The following BRSK2 variants were observed in gnomAD, a reference collection of about 807,000 sequenced individuals.
The protein encoded by BRSK2 is serine/threonine-protein kinase BRSK2.
A neutral mutation model predicts 83.3 loss-of-function variants in BRSK2; 19 were observed. The ratio of observed to expected loss-of-function variants is 0.23; its 90% CI spans 0.16 to 0.33. The LOEUF (loss-of-function observed/expected upper bound fraction) is 0.33. Among genes scored for constraint, BRSK2 ranks in the 10% least tolerant of loss-of-function variants. The pLI, the probability that BRSK2 is intolerant of heterozygous loss-of-function variation, is 1.00. For synonymous variants in BRSK2, 519 were observed against 435.4 expected (o/e 1.19, Z -2.39); for missense variants, 798 against 1,042.3 (o/e 0.77, Z 3.23).
In BRSK2 at chr11:1,438,381, A is replaced by G. The variant is rs1850623038; in HGVS notation, c.262A>G (p.Lys88Glu). The part of the protein sequence containing the change: ...VLKLHDVYEN[K>E]KYLYLVLEHV... ...AAAGCTGCACGACGTTTATGAAAAC[A>G]AAAAATATTTGTAGGTATTGCTGGG... The change falls in exon 3 of 20, where the codon AAA becomes GAA. Residue 88 changes from lysine to glutamate, a missense_variant. Lys to Glu is a moderately conservative substitution (Grantham distance 56). This residue lies in a region of BRSK2 where 109 missense variants were observed against 259.2 expected (regional missense o/e 0.42). Coordinates refer to ENST00000528841, the MANE Select transcript of BRSK2 (RefSeq NM_001256627.2). This position sits in a 1 kb window ranked among gnomAD's most constrained non-coding sequence, Gnocchi z 6.4. 1 of 1,613,762 alleles carries G rather than the reference A, an allele frequency of 6.2e-7. No homozygotes were observed. The highest frequency in any genetic ancestry group is 8.5e-7 in the Non-Finnish European group (1 of 1,179,826).
Position 1,445,745 on chromosome 11 carries a change from G to C in BRSK2, c.1076-12G>C. On this transcript the variant is annotated splice_polypyrimidine_tract_variant and intron_variant, in intron 11 of 19. Transcript: ENST00000528841. ...CCGGGGGCTGTCTGGCCTGACCTTC[G>C]TCTGTACTCAGACCCTCCCCGGAAG... 2 of 1,611,220 alleles carry C rather than the reference G, an allele frequency of 1.2e-6. No homozygotes were observed. Among genetic ancestry groups the C allele is most frequent in the East Asian group, 2.2e-5 (1 of 44,794 alleles).
rs189729021 is a variant in BRSK2 at position 1,440,150 on chromosome 11, T to C, written c.273-638T>C. On this transcript the variant is annotated intron_variant, in intron 3 of 19. Coordinates refer to ENST00000528841, the MANE Select transcript of BRSK2 (RefSeq NM_001256627.2). ...GTGGAGCGGCCCCCAAGCAGCTGCA[T>C]GCAGCGTCCCACGGGCCTCTCACCA... Among the ~76,000 whole-genome samples, 16 of 152,272 alleles carry C rather than the reference T, an allele frequency of 1.1e-4. No individual in the cohort carries two copies. The East Asian group carries it at 2.9e-3, about 28-fold the overall frequency.
intron 1 of BRSK2, among the ~76,000 whole-genome samples, chr11:1,407,798 G>T (rs1017938720): frequency 6.6e-6 from 1 of 152,252 alleles, no homozygotes; most frequent in African/African-American, 2.4e-5. Context: ...CCGCCTCCAG[G>T]CAGGTGCCAC....
intron 1 of BRSK2, among the ~76,000 whole-genome samples, chr11:1,433,337 A>G (rs1849842185): frequency 1.3e-5 from 2 of 152,198 alleles, no homozygotes; most frequent in Non-Finnish European, 1.5e-5. Context: ...CTGCACCCTC[A>G]TGATGCCCTG....
chr11:1,456,770 G>A, intron 18 of BRSK2, 83 bp downstream of exon 18: 1 of 1,437,866 alleles, frequency 7.0e-7, no homozygotes, highest in Non-Finnish European at 9.4e-7. Flanking sequence ...GAGGCGTGAG[G>A]ACCCGGGCGC....
intron 14 of BRSK2, 118 bp from the exon 15 acceptor site, chr11:1,451,253 C>A: frequency 1.7e-6 from 2 of 1,188,808 alleles, no homozygotes; most frequent in South Asian, 1.3e-5. Flanking sequence ...CCTGGGGGGG[C>A]TGTCCCAGTG....
At chr11:1,395,774 T>C (rs1846040374) in intron 1 of BRSK2, among the ~76,000 whole-genome samples, 1 of 152,198 alleles carries the variant, frequency 6.6e-6, no homozygotes, top group African/African-American at 2.4e-5. Context: ...CGCCGTGGAT[T>C]TCCTGGATGT....
At chr11:1,414,245 G>A (rs760441579) in intron 1 of BRSK2, among the ~76,000 whole-genome samples, 27 of 152,198 alleles carry the variant, frequency 1.8e-4, no homozygotes, top group Non-Finnish European at 2.8e-4. Flanking sequence ...TCCAGAGGCC[G>A]GGCAGGAGGA....
intron 1 of BRSK2, among the ~76,000 whole-genome samples, chr11:1,429,441 G>T (rs1849699796): frequency 6.6e-6 from 1 of 152,028 alleles, no homozygotes; most frequent in African/African-American, 2.4e-5. Context: ...CACACCTAGG[G>T]GTGTACACAG....
intron 18 of BRSK2, among the ~76,000 whole-genome samples, chr11:1,457,562 G>A (rs920274503): frequency 1.3e-5 from 2 of 152,204 alleles, no homozygotes; most frequent in African/African-American, 2.4e-5. Context: ...GGCCTGGTCT[G>A]TCAGCAAGGG....
At chr11:1,413,193 T>C in intron 1 of BRSK2, among the ~76,000 whole-genome samples, 1 of 152,084 alleles carries the variant, frequency 6.6e-6, no homozygotes, top group East Asian at 1.9e-4. Context: ...TGAGCTCCCC[T>C]GGGGGCTTCT....
chr11:1,403,115 C>T (rs1294854700), intron 1 of BRSK2, among the ~76,000 whole-genome samples: 1 of 152,124 alleles, frequency 6.6e-6, no homozygotes, highest in African/African-American at 2.4e-5. Flanking sequence ...GTTGAGTTCC[C>T]CATTCCACAG....
chr11:1,421,720 G>A (rs913463770), intron 1 of BRSK2, among the ~76,000 whole-genome samples: 3 of 152,156 alleles, frequency 2.0e-5, no homozygotes, highest in Admixed American at 6.5e-5. Flanking sequence ...CCGTGGGTGT[G>A]CAGGGTGGGG....
chr11:1,438,274 G>T lies in BRSK2; in HGVS notation c.187-32G>T. 1 of 1,607,486 alleles carries T rather than the reference G, an allele frequency of 6.2e-7. No individual in the cohort carries two copies. The stretch of plus-strand genomic sequence containing the variant: ...GGAGCGATGCGTGCCCCAGCCCTGT[G>T]AGCGTGATGTTCTCTGGCCTCTCCC... On this transcript the variant is annotated intron_variant, in intron 2 of 19. Coordinates refer to ENST00000528841, the MANE Select transcript of BRSK2 (RefSeq NM_001256627.2). This position sits in a 1 kb window ranked among gnomAD's most constrained non-coding sequence, Gnocchi z 6.4.
rs190882429 is a variant in BRSK2, at chr11:1,407,412, C to G, written c.91+17037C>G. On this transcript the variant is annotated intron_variant, in intron 1 of 19. Coordinates refer to ENST00000528841, the MANE Select transcript of BRSK2 (RefSeq NM_001256627.2). The stretch of plus-strand genomic sequence containing the variant: ...AGTCCACTTGGGGGGCTTCTCACAT[C>G]GGACCCTTGGCCACAGTGCCACCCG... 4.8e-3 allele frequency among the ~76,000 whole-genome samples: 726 copies of G among 152,260 alleles called. 5 individuals carry two copies. Among genetic ancestry groups the G allele is most frequent in the Non-Finnish European group, 7.9e-3 (538 of 67,990 alleles).
chr11:1,438,224 C>G lies in BRSK2; in HGVS notation c.187-82C>G. ...CCAAAGGCCCCTGCGACCCCCACAG[C>G]TGGCACCAAAGGCAGTGTCTGTGGG... On this transcript the variant is annotated intron_variant, in intron 2 of 19. Coordinates refer to ENST00000528841, the MANE Select transcript of BRSK2 (RefSeq NM_001256627.2). The surrounding 1 kb of genome is among the most constrained non-coding windows in gnomAD (Gnocchi z 6.4). 7.3e-7 allele frequency: 1 copy of G among 1,367,910 alleles called. No homozygotes were observed. The highest frequency in any genetic ancestry group is 1.0e-6 in the Non-Finnish European group (1 of 969,418). The allele number at this position is 1,367,910 out of a possible 1,614,324, so 84.7% of individuals were successfully genotyped here. A position where few individuals can be genotyped will look rare whatever the true frequency, so the allele number is the denominator to read the frequency against.
chr11:1,402,276 C>T (rs985721199), intron 1 of BRSK2, among the ~76,000 whole-genome samples: 3 of 152,300 alleles, frequency 2.0e-5, no homozygotes, highest in East Asian at 1.9e-4. Context: ...TCCCCTGGAG[C>T]GCACTCCTGG....
At chr11:1,413,099 G>A (rs143972448) in intron 1 of BRSK2, among the ~76,000 whole-genome samples, 3,578 of 152,238 alleles carry the variant, frequency 0.024, 56 homozygotes, top group Non-Finnish European at 0.033. Flanking sequence ...GCAGGGACTG[G>A]GGTGGGTCTC....
intron 19 of BRSK2, among the ~76,000 whole-genome samples, chr11:1,459,683 G>A (rs946193531): frequency 8.5e-5 from 13 of 152,178 alleles, no homozygotes; most frequent in East Asian, 1.9e-4. Context: ...GGCCTCCATC[G>A]ACACACCTGG....
Sources: gnomAD v4.1 joint callset for allele counts (sites outside exome capture counted in the v4.1 genomes callset) on GRCh38, gnomAD v4.1.1 for gene constraint, gnomAD v4.1.1 regional missense constraint, Gnocchi (gnomAD v3.1) non-coding constraint, MANE v1.5 for transcripts, NCBI Gene and HGNC (gene_info 2026-07-23, HGNC 2026-07-21) for gene names.